MLLT10: variants seen among roughly 807,000 people sequenced by gnomAD.
MLLT10 encodes the protein protein AF-10.
MLLT10 carries 30 observed loss-of-function variants against 129.1 expected under a neutral mutation model. The observed-to-expected ratio is 0.23, with a 90% CI of 0.17 to 0.32. MLLT10 has a LOEUF of 0.32. Among genes scored for constraint, MLLT10 ranks in the 10% least tolerant of loss-of-function variants. The pLI is 1.00. For synonymous variants in MLLT10, 490 were observed against 446.4 expected, an observed-to-expected ratio of 1.10 and a Z score of -1.23; for missense variants, 1,119 against 1,268.3, an observed-to-expected ratio of 0.88 and a Z score of 1.79.
intron 8 of MLLT10, among the ~76,000 whole-genome samples, chr10:21,635,785 G>A (rs1415012303): frequency 6.6e-6 from 1 of 150,630 alleles, no homozygotes; most frequent in Non-Finnish European, 1.5e-5. Flanking sequence ...AGAGTGCAAT[G>A]GTGCAATCTC....
intron 2 of MLLT10, among the ~76,000 whole-genome samples, chr10:21,535,847 C>T (rs1400337007): frequency 1.3e-5 from 2 of 152,240 alleles, no homozygotes; most frequent in African/African-American, 2.4e-5. Context: ...ACGAATGTCA[C>T]ACTTGGAAAG....
At chr10:21,556,693 A>G (rs1427780759) in intron 3 of MLLT10, 1 of 1,612,436 alleles carries the variant, frequency 6.2e-7, no homozygotes, top group Non-Finnish European at 8.5e-7. Flanking sequence ...TCACTCCTGG[A>G]TACATAGAAC....
In MLLT10 at chr10:21,741,975, A is replaced by T; in HGVS notation, c.3199A>T (p.Lys1067Ter). ...TAAAACTGGGCCTGTAGCTCAAGAG[A>T]AAAGTTGACACCTGAGAAACATCTA... ...SDKTGPVAQE[K>*]S is the part of the protein sequence containing the mutation. The change falls in exon 23 of 23, where the codon AAA (lysine) becomes TAA (stop). Residue 1067 changes from lysine to a stop codon, truncating the protein, a stop_gained. Coordinates refer to ENST00000307729, the MANE Select transcript of MLLT10 (RefSeq NM_001195626.3). LOFTEE classifies it high-confidence loss of function. 1 of 1,612,312 alleles carries T rather than the reference A, an allele frequency of 6.2e-7. No individual in the cohort carries two copies. Among genetic ancestry groups the T allele is most frequent in the Non-Finnish European group, 8.5e-7 (1 of 1,179,670 alleles).
Position 21,741,812 on chromosome 10 carries a change from T to G in MLLT10, c.3163-127T>G, listed in dbSNP as rs190406351. ...CTATATATTACGTTGCAAGTAGCCT[T>G]GCCAACTTGCAAGAAAAAAGGGAGT... On this transcript the variant is annotated intron_variant, in intron 22 of 22. Transcript: ENST00000307729. 1.1e-4 allele frequency: 103 copies of G among 896,752 alleles called. No homozygotes were observed. In the African/African-American group the frequency reaches 1.7e-3, roughly 14 times the overall value. The allele number at this position is 896,752 out of a possible 1,614,324, so 55.5% of individuals were successfully genotyped here.
chr10:21,715,506 T>C (rs960066561), intron 14 of MLLT10, among the ~76,000 whole-genome samples: 3 of 152,242 alleles, frequency 2.0e-5, no homozygotes, highest in African/African-American at 7.2e-5. Context: ...TTATCTCTTT[T>C]TAATTAAGTG....
chr10:21,637,591 G>T (rs1188339084), intron 8 of MLLT10, among the ~76,000 whole-genome samples: 1 of 152,212 alleles, frequency 6.6e-6, no homozygotes, highest in African/African-American at 2.4e-5. Context: ...CCAGCTAATA[G>T]TGAGAGCTTT....
At chr10:21,565,742 A>T (rs1000701608) in intron 3 of MLLT10, among the ~76,000 whole-genome samples, 1 of 151,322 alleles carries the variant, frequency 6.6e-6, no homozygotes, top group Non-Finnish European at 1.5e-5. Context: ...AGTAAGTGGG[A>T]CCACACGTGT....
chr10:21,536,674 C>T (rs1006620748), intron 2 of MLLT10, among the ~76,000 whole-genome samples: 3 of 152,160 alleles, frequency 2.0e-5, no homozygotes, highest in African/African-American at 4.8e-5. Flanking sequence ...TCCAAGCCAT[C>T]TTCCCACTTC....
chr10:21,536,065 C>A (rs893262837), intron 2 of MLLT10, among the ~76,000 whole-genome samples: 2 of 152,220 alleles, frequency 1.3e-5, no homozygotes, highest in Non-Finnish European at 2.9e-5. Flanking sequence ...GCCTCAGCTT[C>A]TTGAGTAGCT....
intron 7 of MLLT10, 145 bp from the exon 8 acceptor site, chr10:21,616,967 T>TG (rs2045326285): frequency 3.2e-6 from 1 of 317,134 alleles, no homozygotes; most frequent in South Asian, 1.5e-4. Context: ...GTGTCTAAAC[T>TG]GGATTATATA....
chr10:21,574,675 A>G (rs1184301807), intron 3 of MLLT10, among the ~76,000 whole-genome samples: 2 of 152,194 alleles, frequency 1.3e-5, no homozygotes, highest in African/African-American at 4.8e-5. Flanking sequence ...TCCCAGAACT[A>G]GTGGTTCCTC....
At chr10:21,546,033 C>G (rs566309217) in intron 3 of MLLT10, among the ~76,000 whole-genome samples, 33 of 152,194 alleles carry the variant, frequency 2.2e-4, no homozygotes, top group African/African-American at 7.9e-4. Context: ...AGAAATTTAT[C>G]TACTTACATA....
At chr10:21,549,288 G>A (rs576171016) in intron 3 of MLLT10, among the ~76,000 whole-genome samples, 29 of 151,894 alleles carry the variant, frequency 1.9e-4, no homozygotes, top group Admixed American at 1.3e-4. Context: ...CACTCCTGGC[G>A]AATTTTTTGT....
intron 21 of MLLT10, among the ~76,000 whole-genome samples, chr10:21,739,693 GTTGTT>G (rs1056294970): frequency 4.7e-4 from 71 of 152,292 alleles, no homozygotes; most frequent in Admixed American, 4.2e-3. Flanking sequence ...GAACTTTAAG[GTTGTT>G]TTAAGTTTGG....
chr10:21,687,672 G>C (rs1221550740), intron 13 of MLLT10, among the ~76,000 whole-genome samples: 3 of 152,162 alleles, frequency 2.0e-5, no homozygotes, highest in Non-Finnish European at 2.9e-5. Flanking sequence ...GTTAAAAAAA[G>C]GGGAAGGGAA....
At chr10:21,535,121 TGGGGGCGGGGGC>T (rs913075814) in intron 2 of MLLT10, among the ~76,000 whole-genome samples, 19 of 85,338 alleles carry the variant, frequency 2.2e-4, no homozygotes, top group East Asian at 9.9e-4. Context: ...TGGGCCGGGG[TGGGGGCGGGGGC>T]GGGGGCGGGG....
At chr10:21,715,788 A>G (rs568835362) in intron 14 of MLLT10, among the ~76,000 whole-genome samples, 2 of 152,368 alleles carry the variant, frequency 1.3e-5, no homozygotes, top group South Asian at 2.1e-4. Flanking sequence ...AAGAAATCAT[A>G]GTTGTAAGTA....
intron 8 of MLLT10, among the ~76,000 whole-genome samples, chr10:21,628,431 CTTTT>C (rs774410121): frequency 2.6e-5 from 3 of 115,988 alleles, no homozygotes; most frequent in African/African-American, 6.9e-5. Context: ...GATGCTCTCT[CTTTT>C]TTTTTTTTTT....
chr10:21,649,603 T>G (rs1235048732), intron 8 of MLLT10, among the ~76,000 whole-genome samples: 1 of 152,220 alleles, frequency 6.6e-6, no homozygotes, highest in Non-Finnish European at 1.5e-5. Context: ...GTTGGTCTTA[T>G]TCACATGTCT....
Sources: gnomAD v4.1 joint callset for allele counts (sites outside exome capture counted in the v4.1 genomes callset) on GRCh38, gnomAD v4.1.1 for gene constraint, MANE v1.5 for transcripts, NCBI Gene and HGNC (gene_info 2026-07-23, HGNC 2026-07-21) for gene names.